The following MGAT4C variants were observed in gnomAD, a reference collection of about 807,000 sequenced individuals.
MGAT4C encodes the protein alpha-1,3-mannosyl-glycoprotein 4-beta-N-acetylglucosaminyltransferase C.
Under a neutral mutation model 40.1 loss-of-function variants are expected in MGAT4C, and 19 were observed. That is an observed-to-expected ratio of 0.47 (90% CI 0.33 to 0.70). The LOEUF (loss-of-function observed/expected upper bound fraction) is 0.70. Among genes scored for constraint, MGAT4C ranks in the 30% least tolerant of loss-of-function variants. The probability of loss-of-function intolerance (pLI) is 0.02; values close to 1 mark genes in which losing one functional copy is unlikely to be tolerated. For missense variants in MGAT4C, 491 were observed against 563.2 expected (o/e 0.87, Z 1.30); for synonymous variants, 181 against 187.1 (o/e 0.97, Z 0.27).
At chr12:86,418,092 T>G (rs1312249473) in intron 3 of MGAT4C, among the ~76,000 whole-genome samples, 1 of 152,162 alleles carries the variant, frequency 6.6e-6, no homozygotes, top group African/African-American at 2.4e-5. Context: ...TGTACATTCT[T>G]TGCACAAACT....
intron 1 of MGAT4C, among the ~76,000 whole-genome samples, chr12:86,780,985 G>T (rs1336075710): frequency 1.3e-5 from 2 of 151,044 alleles, no homozygotes; most frequent in African/African-American, 2.4e-5. Flanking sequence ...CAAAAGACAC[G>T]ATTTCATTCC....
chr12:86,343,528 C>T (rs1178715184), intron 3 of MGAT4C, among the ~76,000 whole-genome samples: 1 of 151,982 alleles, frequency 6.6e-6, no homozygotes, highest in Admixed American at 6.6e-5. Context: ...TCCTTTAAGC[C>T]TATTGCCCAA....
chr12:86,057,204 G>A (rs150615505), intron 1 of MGAT4C, among the ~76,000 whole-genome samples: 5 of 151,804 alleles, frequency 3.3e-5, no homozygotes, highest in African/African-American at 1.2e-4. Context: ...TAGAGACAGG[G>A]TCTAGCTCTG....
intron 1 of MGAT4C, among the ~76,000 whole-genome samples, chr12:86,764,474 A>C (rs914797353): frequency 5.3e-5 from 8 of 151,498 alleles, no homozygotes; most frequent in Non-Finnish European, 8.8e-5. Context: ...ACCTCTGCAG[A>C]CTTAAATGTC....
intron 3 of MGAT4C, among the ~76,000 whole-genome samples, chr12:86,357,712 T>A (rs1486068588): frequency 6.6e-6 from 1 of 152,036 alleles, no homozygotes; most frequent in South Asian, 2.1e-4. Flanking sequence ...TTTGATCAAG[T>A]GGAAGAAAGG....
intron 1 of MGAT4C, among the ~76,000 whole-genome samples, chr12:86,181,123 T>C (rs1888070621): frequency 6.6e-6 from 1 of 152,186 alleles, no homozygotes; most frequent in African/African-American, 2.4e-5. Flanking sequence ...ATCAGGTGTT[T>C]CCACGTTTTC....
At chr12:86,103,384 A>ACACAC (rs1439650300) in intron 1 of MGAT4C, among the ~76,000 whole-genome samples, 2 of 152,174 alleles carry the variant, frequency 1.3e-5, no homozygotes, top group African/African-American at 4.8e-5. Context: ...TTTGAGACAA[A>ACACAC]CACACAGAAT....
intron 2 of MGAT4C, among the ~76,000 whole-genome samples, chr12:86,472,519 T>G (rs952680315): frequency 3.9e-5 from 6 of 152,260 alleles, no homozygotes; most frequent in South Asian, 2.1e-4. Context: ...AGGCTTACAT[T>G]AAGAAGAATG....
chr12:86,555,104 T>C (rs1267818842), intron 2 of MGAT4C, among the ~76,000 whole-genome samples: 1 of 151,888 alleles, frequency 6.6e-6, no homozygotes, highest in African/African-American at 2.4e-5. Context: ...CTTGGTGACT[T>C]AATTGGGCCT....
upstream of MGAT4C, among the ~76,000 whole-genome samples, chr12:86,259,202 G>A (rs1351922022): frequency 6.6e-6 from 1 of 151,824 alleles, no homozygotes; most frequent in African/African-American, 2.4e-5. Context: ...TTTTAGTGGT[G>A]TTTCTTTTGG....
chr12:86,223,556 C>T (rs1004634241), intron 1 of MGAT4C, among the ~76,000 whole-genome samples: 3 of 152,178 alleles, frequency 2.0e-5, no homozygotes, highest in African/African-American at 4.8e-5. Context: ...GAGGCAGGCC[C>T]GCGGTGTACC....
intron 1 of MGAT4C, among the ~76,000 whole-genome samples, chr12:86,114,859 GGAAA>G (rs1878121461): frequency 6.6e-6 from 1 of 151,744 alleles, no homozygotes; most frequent in Non-Finnish European, 1.5e-5. Context: ...CCTACCCTAA[GGAAA>G]TAATGTGACG....
At chr12:86,817,095 T>A (rs1952621364) in intron 1 of MGAT4C, among the ~76,000 whole-genome samples, 1 of 150,842 alleles carries the variant, frequency 6.6e-6, no homozygotes, top group African/African-American at 2.4e-5. Flanking sequence ...TTACATTAAT[T>A]TTCAAGCATT....
At chr12:86,576,002 G>A (rs1299834666) in intron 2 of MGAT4C, among the ~76,000 whole-genome samples, 1 of 151,728 alleles carries the variant, frequency 6.6e-6, no homozygotes, top group Non-Finnish European at 1.5e-5. Flanking sequence ...GTTATTGCCT[G>A]TTTTTAGATG....
intron 4 of MGAT4C, among the ~76,000 whole-genome samples, chr12:86,298,793 G>T (rs888017444): frequency 1.3e-5 from 2 of 152,050 alleles, no homozygotes; most frequent in African/African-American, 4.8e-5. Flanking sequence ...AGCAAGAAAT[G>T]AGAATATTGT....
intron 2 of MGAT4C, among the ~76,000 whole-genome samples, chr12:86,475,052 C>T (rs2136307304): frequency 6.6e-6 from 1 of 152,122 alleles, no homozygotes; most frequent in African/African-American, 2.4e-5. Context: ...ATAGTAAACT[C>T]ATATAACAGA....
intron 3 of MGAT4C, among the ~76,000 whole-genome samples, chr12:86,433,344 A>ATG (rs985925306): frequency 9.8e-6 from 1 of 102,206 alleles, no homozygotes; most frequent in Non-Finnish European, 2.2e-5. Flanking sequence ...ACACACGTGT[A>ATG]TGTGTGTGTG....
rs539428262 is a variant in MGAT4C, at chr12:86,552,842, T to C, written c.-228-117577A>G. On this transcript the variant is annotated intron_variant, in intron 2 of 7. Transcript: ENST00000548651. ...TATCTCTCAATTTTAATGACTTGCA[T>C]CAAAAATATGTTTTAGGCTGATGTA... Among the ~76,000 whole-genome samples the C allele has an allele frequency of 1.4e-4, 22 of 152,252 alleles. No individual in the cohort carries two copies. The South Asian group carries it at 4.6e-3, about 32-fold the overall frequency.
intron 1 of MGAT4C, among the ~76,000 whole-genome samples, chr12:86,169,811 C>T (rs1021618865): frequency 1.3e-5 from 2 of 152,030 alleles, no homozygotes; most frequent in Admixed American, 6.6e-5. Flanking sequence ...CAAAAACTAC[C>T]AAAGCCCAGA....
Sources: gnomAD v4.1 joint callset for allele counts (sites outside exome capture counted in the v4.1 genomes callset) on GRCh38, gnomAD v4.1.1 for gene constraint, MANE v1.5 for transcripts, NCBI Gene and HGNC (gene_info 2026-07-23, HGNC 2026-07-21) for gene names.